The following MACROD2 variants were observed in gnomAD, a reference collection of about 807,000 sequenced individuals.
MACROD2 encodes ADP-ribose glycohydrolase MACROD2.
MACROD2 carries 36 observed loss-of-function variants against 70.4 expected under a neutral mutation model. That is an observed-to-expected ratio of 0.51 (90% CI 0.39 to 0.68). The LOEUF is 0.68. Ranked by LOEUF, MACROD2 falls within the 30% of genes least tolerant of loss-of-function variation. The pLI is 0.00. For synonymous variants in MACROD2, 172 were observed against 178.8 expected, an observed-to-expected ratio of 0.96 and a Z score of 0.30; for missense variants, 496 against 538.4, an observed-to-expected ratio of 0.92 and a Z score of 0.78.
At chr20:14,898,382 T>G (rs2073855266) in intron 5 of MACROD2, among the ~76,000 whole-genome samples, 2 of 152,148 alleles carry the variant, frequency 1.3e-5, no homozygotes, top group East Asian at 3.9e-4. Flanking sequence ...CATATATGTT[T>G]CTCTTTAACA....
chr20:14,355,040 G>A (rs576411812), intron 3 of MACROD2, among the ~76,000 whole-genome samples: 285 of 152,292 alleles, frequency 1.9e-3, no homozygotes, highest in African/African-American at 6.4e-3. Context: ...CACTAGTGAT[G>A]GGCACCTAGG....
intron 6 of MACROD2, among the ~76,000 whole-genome samples, chr20:15,259,706 C>T (rs568628677): frequency 6.6e-6 from 1 of 152,098 alleles, no homozygotes; most frequent in African/African-American, 2.4e-5. Context: ...AGCAGAGCCT[C>T]TAATTATTCA....
In MACROD2 at chr20:15,289,701, T is replaced by C. The variant is rs556593680; in HGVS notation, c.540+59640T>C. ...ATATTGATCAGATGAATAATATATA[T>C]CAAATGTGTACACTAAAAAGAGCAC... On this transcript the variant is annotated intron_variant, in intron 6 of 17. Coordinates refer to ENST00000684519, the MANE Select transcript of MACROD2 (RefSeq NM_001351661.2). Among the ~76,000 whole-genome samples, 13 of 152,338 alleles carry C rather than the reference T, an allele frequency of 8.5e-5. No individual in the cohort carries two copies. The South Asian group carries it at 2.3e-3, about 27-fold the overall frequency.
intron 5 of MACROD2, among the ~76,000 whole-genome samples, chr20:14,981,827 C>G (rs2074803835): frequency 6.6e-6 from 1 of 152,038 alleles, no homozygotes; most frequent in Non-Finnish European, 1.5e-5. Flanking sequence ...TGAAAATGGA[C>G]TAATGCAGTA....
chr20:15,808,530 A>G (rs2063789793), intron 8 of MACROD2, among the ~76,000 whole-genome samples: 1 of 152,180 alleles, frequency 6.6e-6, no homozygotes, highest in Non-Finnish European at 1.5e-5. Context: ...ATGAAAATTC[A>G]TATATTTCAA....
intron 5 of MACROD2, among the ~76,000 whole-genome samples, chr20:15,227,848 T>TTTTTTTTTC (rs2076923746): frequency 6.9e-6 from 1 of 145,068 alleles, no homozygotes; most frequent in African/African-American, 2.5e-5. Context: ...TTTTTTTTTT[T>TTTTTTTTTC]TCAAATTTAA....
chr20:15,551,327 A>G (rs1335265823), intron 8 of MACROD2, among the ~76,000 whole-genome samples: 1 of 136,252 alleles, frequency 7.3e-6, no homozygotes, highest in East Asian at 2.6e-4. Context: ...GTTATCTCTC[A>G]TTTAATATTT....
chr20:14,893,633 A>C (rs974767336), intron 5 of MACROD2: 1 of 152,078 alleles, frequency 6.6e-6, no homozygotes, highest in African/African-American at 2.4e-5. Flanking sequence ...TACTAGTAAA[A>C]TTTAATATTT....
chr20:14,382,854 T>C (rs367889783), intron 3 of MACROD2, among the ~76,000 whole-genome samples: 1 of 152,300 alleles, frequency 6.6e-6, no homozygotes, highest in East Asian at 1.9e-4. Context: ...TTATGATCTT[T>C]CATGTAGTGC....
intron 6 of MACROD2, among the ~76,000 whole-genome samples, chr20:15,396,512 A>T (rs372614405): frequency 4.6e-5 from 7 of 152,298 alleles, no homozygotes; most frequent in African/African-American, 1.7e-4. Context: ...AGAATCTTAG[A>T]AGAGGAAGGA....
At chr20:14,898,002 G>T (rs1386986847) in intron 5 of MACROD2, among the ~76,000 whole-genome samples, 4 of 152,012 alleles carry the variant, frequency 2.6e-5, no homozygotes, top group African/African-American at 9.7e-5. Flanking sequence ...ATCTTGGGAG[G>T]TAGGATTTCA....
At chr20:14,341,858 T>C (rs2083016432) in intron 3 of MACROD2, among the ~76,000 whole-genome samples, 3 of 152,178 alleles carry the variant, frequency 2.0e-5, no homozygotes. Context: ...TCAATAAGAA[T>C]ACAGTTTCTC....
intron 5 of MACROD2, among the ~76,000 whole-genome samples, chr20:14,809,269 G>T (rs972424700): frequency 1.3e-5 from 2 of 152,112 alleles, no homozygotes; most frequent in African/African-American, 4.8e-5. Context: ...TAGAATTCAG[G>T]ATTAAGAAAC....
intron 5 of MACROD2, among the ~76,000 whole-genome samples, chr20:15,220,721 A>AC: frequency 1.3e-5 from 2 of 152,346 alleles, no homozygotes; most frequent in East Asian, 3.9e-4. Context: ...TTCACAGTGT[A>AC]GGAATCTCCA....
At chr20:14,723,132 C>A (rs1210965156) in intron 5 of MACROD2, among the ~76,000 whole-genome samples, 1 of 152,094 alleles carries the variant, frequency 6.6e-6, no homozygotes, top group East Asian at 1.9e-4. Flanking sequence ...AGCACATACA[C>A]AAAAATATGT....
At chr20:15,266,743 A>C (rs2077298308) in intron 6 of MACROD2, among the ~76,000 whole-genome samples, 1 of 152,170 alleles carries the variant, frequency 6.6e-6, no homozygotes. Context: ...ACCTCCCATG[A>C]ATTGTATGTC....
At chr20:14,734,727 A>G (rs1191020842) in intron 5 of MACROD2, among the ~76,000 whole-genome samples, 1 of 152,136 alleles carries the variant, frequency 6.6e-6, no homozygotes, top group African/African-American at 2.4e-5. Context: ...ACATTTCCCA[A>G]TGTTAAAACA....
chr20:15,767,036 T>A (rs1398393484), intron 8 of MACROD2, among the ~76,000 whole-genome samples: 1 of 152,196 alleles, frequency 6.6e-6, no homozygotes, highest in Non-Finnish European at 1.5e-5. Context: ...AGGAAGGAGC[T>A]CTCACTTCTC....
intron 11 of MACROD2, among the ~76,000 whole-genome samples, chr20:15,935,348 A>G (rs1184642307): frequency 6.6e-6 from 1 of 152,174 alleles, no homozygotes; most frequent in African/African-American, 2.4e-5. Context: ...ACAGAGGCCA[A>G]TGGCAGAGTC....
Sources: gnomAD v4.1 joint callset for allele counts (sites outside exome capture counted in the v4.1 genomes callset) on GRCh38, gnomAD v4.1.1 for gene constraint, MANE v1.5 for transcripts, NCBI Gene and HGNC (gene_info 2026-07-23, HGNC 2026-07-21) for gene names.